ASAH2: variants seen among roughly 807,000 people sequenced by gnomAD.
The protein encoded by ASAH2 is neutral ceramidase.
A neutral mutation model predicts 82.9 loss-of-function variants in ASAH2; 58 were observed. That is an observed-to-expected ratio of 0.70 (90% CI 0.57 to 0.87). The LOEUF is 0.87. ASAH2 is among the 40% of genes least tolerant of loss of function. ASAH2 has a pLI of 0.00. For synonymous variants in ASAH2, 276 were observed against 289.7 expected (o/e 0.95, Z 0.48); for missense variants, 779 against 834.0 (o/e 0.93, Z 0.81).
At chr10:50,200,941 C>CT (rs1160665304) in intron 16 of ASAH2, among the ~76,000 whole-genome samples, 1 of 152,028 alleles carries the variant, frequency 6.6e-6, no homozygotes, top group Non-Finnish European at 1.5e-5. Flanking sequence ...CCTGTTTTGC[C>CT]TTTTTGTTCA....
intron 4 of ASAH2, among the ~76,000 whole-genome samples, chr10:50,239,833 T>TTTTTTA (rs1846248968): frequency 6.9e-6 from 1 of 145,922 alleles, no homozygotes. Flanking sequence ...ATTTAATTTT[T>TTTTTTA]TTTTTTTTTT....
chr10:50,210,078 C>T (rs970571270), intron 12 of ASAH2, among the ~76,000 whole-genome samples: 6 of 152,026 alleles, frequency 3.9e-5, no homozygotes, highest in African/African-American at 1.4e-4. Context: ...ACATAAAAAT[C>T]CCATGAATAT....
rs1460916057 is a variant in ASAH2 at position 50,233,117 on chromosome 10, C to CT, written c.893+66dup. On this transcript the variant is annotated intron_variant, in intron 7 of 20. Coordinates refer to ENST00000682911, the MANE Select transcript of ASAH2 (RefSeq NM_019893.4). ...GTGTGTGCTGGTACTATTCTAGTCT[C>CT]TTTTCCCTTCTCTTTAATTAAGAAA... 5.1e-6 allele frequency: 6 copies of CT among 1,186,904 alleles called. No homozygotes were observed. The Admixed American group carries it at 6.8e-5, about 13-fold the overall frequency. The allele number at this position is 1,186,904 out of a possible 1,614,324, so 73.5% of individuals were successfully genotyped here. A position where few individuals can be genotyped will look rare whatever the true frequency, so the allele number is the denominator to read the frequency against.
chr10:50,247,093 T>C (rs548306085), intron 2 of ASAH2, among the ~76,000 whole-genome samples: 1 of 152,266 alleles, frequency 6.6e-6, no homozygotes, highest in South Asian at 2.1e-4. Context: ...TAATTAATAA[T>C]AACCTCCCTG....
At chr10:50,221,698 G>GGATAGATAGATA (rs199560545) in intron 7 of ASAH2, among the ~76,000 whole-genome samples, 48 of 147,230 alleles carry the variant, frequency 3.3e-4, no homozygotes, top group Non-Finnish European at 4.6e-4. Flanking sequence ...ATAGATGGAT[G>GGATAGATAGATA]GATAGATAGA....
intron 4 of ASAH2, among the ~76,000 whole-genome samples, chr10:50,242,165 C>T (rs1481588375): frequency 1.3e-5 from 2 of 151,982 alleles, no homozygotes; most frequent in Admixed American, 6.5e-5. Flanking sequence ...TTTTCTTATA[C>T]AGAAAATGGA....
intron 2 of ASAH2, among the ~76,000 whole-genome samples, chr10:50,245,824 C>T (rs538315030): frequency 6.6e-6 from 1 of 152,084 alleles, no homozygotes; most frequent in East Asian, 1.9e-4. Flanking sequence ...TTTTTCTATC[C>T]AGACTCCTCA....
intron 10 of ASAH2, among the ~76,000 whole-genome samples, chr10:50,211,990 A>T (rs1021397280): frequency 6.6e-6 from 1 of 152,228 alleles, no homozygotes; most frequent in Non-Finnish European, 1.5e-5. Flanking sequence ...AAAGTGTGTC[A>T]TGGGTGCACA....
At chr10:50,221,631 A>ATG (rs1193949441) in intron 7 of ASAH2, among the ~76,000 whole-genome samples, 115 of 146,720 alleles carry the variant, frequency 7.8e-4, no homozygotes, top group African/African-American at 2.7e-3. Context: ...TTCAGGTTGT[A>ATG]TGTGTGTGTG....
chr10:50,194,344 A>G (rs1270293330), intron 18 of ASAH2, among the ~76,000 whole-genome samples: 4 of 151,742 alleles, frequency 2.6e-5, no homozygotes, highest in Admixed American at 6.6e-5. Context: ...ACATCTGAAA[A>G]CCAATGAATG....
intron 8 of ASAH2, among the ~76,000 whole-genome samples, chr10:50,217,196 T>G (rs1473290407): frequency 1.3e-5 from 2 of 151,968 alleles, no homozygotes; most frequent in Non-Finnish European, 2.9e-5. Context: ...ACATGTGATC[T>G]CTTTGCACAT....
At chr10:50,197,207 C>G (rs1325237299) in intron 17 of ASAH2, among the ~76,000 whole-genome samples, 22 of 151,828 alleles carry the variant, frequency 1.4e-4, no homozygotes, top group African/African-American at 4.6e-4. Context: ...TGGAAGCATA[C>G]TTTCAAATTG....
chr10:50,248,382 T>C, intron 2 of ASAH2, 102 bp downstream of exon 2: 1 of 1,418,574 alleles, frequency 7.0e-7, no homozygotes, highest in East Asian at 2.3e-5. Context: ...TAAGTACACG[T>C]AGAACTATCA....
intron 17 of ASAH2, among the ~76,000 whole-genome samples, chr10:50,198,783 T>A (rs1227010051): frequency 6.6e-6 from 1 of 152,012 alleles, no homozygotes; most frequent in Non-Finnish European, 1.5e-5. Flanking sequence ...GTAAAAATAG[T>A]GAGAAAATAT....
intron 18 of ASAH2, among the ~76,000 whole-genome samples, chr10:50,195,729 C>T (rs1229636457): frequency 1.3e-4 from 20 of 151,702 alleles, no homozygotes; most frequent in Non-Finnish European, 2.5e-4. Flanking sequence ...AGAATGAGAT[C>T]CTTACATTTG....
intron 12 of ASAH2, among the ~76,000 whole-genome samples, chr10:50,208,590 C>CTT (rs35677018): frequency 0.94 from 142,280 of 151,954 alleles, 67,289 homozygotes; most frequent in Non-Finnish European, 1. Flanking sequence ...AAGAAATAAA[C>CTT]AACAAAAAAT....
At chr10:50,195,117 G>A (rs1193364544) in intron 18 of ASAH2, among the ~76,000 whole-genome samples, 64 of 150,280 alleles carry the variant, frequency 4.3e-4, no homozygotes, top group African/African-American at 1.1e-3. Flanking sequence ...CCTAAAGAAT[G>A]GGAGAAAACA....
intron 8 of ASAH2, among the ~76,000 whole-genome samples, chr10:50,216,378 G>T (rs532955872): frequency 6.6e-6 from 1 of 152,032 alleles, no homozygotes; most frequent in South Asian, 2.1e-4. Flanking sequence ...CATTACAGTC[G>T]GTATACATAT....
Position 50,243,330 on chromosome 10 carries a change from G to T in ASAH2, c.382C>A (p.Gln128Lys). The T allele has an allele frequency of 5.0e-6, 8 of 1,613,984 alleles. No homozygotes were observed. The highest frequency in any genetic ancestry group is 6.8e-6 in the Non-Finnish European group (8 of 1,179,926). Reference sequence around the variant, plus strand: ...CTGGTGAGGATGCCCTGTGCATTCTGGCCGGATTTGCCATAGCCCATCTAA... The same window carrying T: ...CTGGTGAGGATGCCCTGTGCATTCTTGCCGGATTTGCCATAGCCCATCTAA... ...INLMGYGKSG[Q>K]NAQGILTRLY... Residue 128 changes from glutamine to lysine, a missense_variant, in exon 4 of 21, where the codon CAG (glutamine) becomes AAG (lysine). Around this residue, in one of 3 missense-constraint regions of ASAH2, gnomAD observed 759 missense variants for 755.2 expected, o/e 1.00. Coordinates refer to ENST00000682911, the MANE Select transcript of ASAH2 (RefSeq NM_019893.4).
Sources: allele counts gnomAD v4.1 joint callset (sites outside exome capture counted in the v4.1 genomes callset), GRCh38; gene constraint gnomAD v4.1.1; regional missense constraint gnomAD v4.1.1; transcripts MANE v1.5; gene names NCBI Gene and HGNC (gene_info 2026-07-23, HGNC 2026-07-21).